Variants in GK5 observed in about 807,000 individuals in gnomAD.
GK5 encodes glycerol kinase 5, also known as ATP:glycerol 3-phosphotransferase 5.
Under a neutral mutation model 77.3 loss-of-function variants are expected in GK5, and 39 were observed. The ratio of observed to expected loss-of-function variants is 0.50; its 90% confidence interval spans 0.39 to 0.66. GK5 has a LOEUF of 0.66. GK5 is among the 30% of genes least tolerant of loss of function. The pLI is 0.00. For synonymous variants in GK5, 211 were observed against 208.0 expected (o/e 1.01, Z -0.13); for missense variants, 487 against 633.8 (o/e 0.77, Z 2.49).
chr3:142,185,963 T>C lies in GK5; in HGVS notation c.782A>G (p.Glu261Gly). 2 of 1,609,990 alleles carry C rather than the reference T, an allele frequency of 1.2e-6. No homozygotes were observed. Among genetic ancestry groups the C allele is most frequent in the South Asian group, 2.2e-5 (2 of 90,208 alleles). The stretch of plus-strand genomic sequence containing the variant: ...TATTGGTATAGGCACACCAAATATC[T>C]CTTCATCCACTGATCCAAAATTGTG... ...TSHNFGSVDE[E>G]IFGVPIPIVA... The change falls in exon 9 of 16, where the codon GAG becomes GGG. Residue 261 changes from glutamate to glycine, a missense_variant. Physicochemically the swap from Glu to Gly is moderately conservative, Grantham distance 98. Coordinates refer to ENST00000392993, the MANE Select transcript of GK5 (RefSeq NM_001039547.3).
rs2063994075 is a variant in GK5 at position 142,200,022 on chromosome 3, GT to G, written c.412-1090del. 2.0e-5 allele frequency among the ~76,000 whole-genome samples: 3 copies of G among 151,668 alleles called. No homozygotes were observed. In the South Asian group the frequency reaches 6.2e-4, roughly 31 times the overall value. On this transcript the variant is annotated intron_variant, in intron 4 of 15. Transcript: ENST00000392993. ...TCAATTAATAAAATTTGTAGACTCA[GT>G]TCTTTCAGTCTAGTCCTTTTAACTT...
intron 15 of GK5, among the ~76,000 whole-genome samples, chr3:142,166,155 G>A (rs2063470829): frequency 6.6e-6 from 1 of 152,112 alleles, no homozygotes; most frequent in South Asian, 2.1e-4. Context: ...AGACTGAGGA[G>A]GGGAGACCAC....
intron 5 of GK5, among the ~76,000 whole-genome samples, chr3:142,190,426 C>T (rs554352659): frequency 3.3e-5 from 5 of 152,110 alleles, no homozygotes; most frequent in Admixed American, 6.5e-5. Context: ...GAATTGAGGT[C>T]CTAGGGCAAT....
intron 1 of GK5, among the ~76,000 whole-genome samples, chr3:142,217,967 GA>G (rs2064295659): frequency 6.6e-6 from 1 of 151,640 alleles, no homozygotes; most frequent in Non-Finnish European, 1.5e-5. Flanking sequence ...CGTTGAAAAA[GA>G]ATAAAGTCAG....
intron 3 of GK5, among the ~76,000 whole-genome samples, chr3:142,205,439 A>G (rs1019773995): frequency 2.0e-5 from 3 of 152,226 alleles, no homozygotes; most frequent in African/African-American, 4.8e-5. Context: ...ACCATGTTCA[A>G]TTGCTAAGAT....
At chr3:142,197,313 GTTT>G (rs2107786695) in intron 5 of GK5, among the ~76,000 whole-genome samples, 2 of 152,224 alleles carry the variant, frequency 1.3e-5, no homozygotes, top group South Asian at 4.1e-4. Flanking sequence ...GTTATTAGGT[GTTT>G]ATAACTGTTA....
intron 2 of GK5, among the ~76,000 whole-genome samples, chr3:142,213,811 CTTGTTTT>C (rs1383622626): frequency 1.3e-5 from 2 of 152,048 alleles, no homozygotes; most frequent in East Asian, 3.9e-4. Flanking sequence ...AAGGTTGTTT[CTTGTTTT>C]TTGTTTTTGT....
In GK5 at chr3:142,187,730, G is replaced by C. The variant is rs150719703; in HGVS notation, c.593C>G (p.Thr198Ser). 3.6e-5 allele frequency: 58 copies of C among 1,611,644 alleles called. No individual in the cohort carries two copies. In the African/African-American group the frequency reaches 4.7e-4, roughly 13 times the overall value. Residue 198 changes from threonine to serine, a missense_variant, in exon 6 of 16, where the codon ACC becomes AGC. By Grantham distance (58) the Thr-to-Ser change is moderately conservative (BLOSUM62 1). Coordinates refer to ENST00000392993, the MANE Select transcript of GK5 (RefSeq NM_001039547.3). ...EENCCFGTIDTWLLYKLTKGS... is the reference protein window; with the variant it reads ...EENCCFGTIDSWLLYKLTKGS... ...TTTTGTGAGCTTATATAACAACCAG[G>C]TATCAATAGTCCCAAAGCAGCAATT...
Position 142,208,795 on chromosome 3 carries a change from G to A in GK5, c.318-4007C>T, listed in dbSNP as rs115251949. Among the ~76,000 whole-genome samples the A allele has an allele frequency of 8.4e-3, 1,283 of 152,206 alleles. 22 individuals are homozygous for A. The highest frequency in any genetic ancestry group is 0.03 in the African/African-American group (1,231 of 41,504). On this transcript the variant is annotated intron_variant, in intron 3 of 15. Transcript: ENST00000392993. ...CCCTGATGACTGTACTTTCTACCAG[G>A]GAATGTAAACAAATAATCAATTACT...
intron 5 of GK5, among the ~76,000 whole-genome samples, chr3:142,192,351 C>A (rs751547787): frequency 2.6e-5 from 4 of 152,218 alleles, no homozygotes; most frequent in African/African-American, 4.8e-5. Flanking sequence ...AACAATCATA[C>A]ACCTATTTAC....
chr3:142,167,163 C>T (rs1335033024), intron 15 of GK5, among the ~76,000 whole-genome samples: 1 of 152,020 alleles, frequency 6.6e-6, no homozygotes, highest in Non-Finnish European at 1.5e-5. Flanking sequence ...CATCTGAGGT[C>T]AGGAGTTTGA....
chr3:142,175,876 AG>A (rs2063603232), intron 12 of GK5, among the ~76,000 whole-genome samples: 1 of 149,312 alleles, frequency 6.7e-6, no homozygotes, highest in African/African-American at 2.4e-5. Context: ...ATTATATTAC[AG>A]GTATGTGAGG....
intron 9 of GK5, chr3:142,184,763 G>A: frequency 1.8e-5 from 11 of 614,860 alleles, no homozygotes; most frequent in Non-Finnish European, 2.0e-5. Flanking sequence ...TTGAACCCGA[G>A]AGGCGGAGGT....
Position 142,172,383 on chromosome 3 carries a change from A to G in GK5, c.1217T>C (p.Val406Ala). 1 of 1,601,962 alleles carries G rather than the reference A, an allele frequency of 6.2e-7. No individual in the cohort carries two copies. Among genetic ancestry groups the G allele is most frequent in the South Asian group, 1.1e-5 (1 of 89,138 alleles). The change falls in exon 13 of 16, where the codon GTA becomes GCA. Residue 406 changes from valine (V) to alanine (A), a missense_variant. By Grantham distance (64) the Val-to-Ala change is moderately conservative (BLOSUM62 0). Around this residue, in one of 4 missense-constraint regions of GK5, gnomAD observed 323 missense variants for 437.4 expected, o/e 0.74. Coordinates refer to ENST00000392993, the MANE Select transcript of GK5 (RefSeq NM_001039547.3). ...LKPSTSKYHL[V>A]RAILESIAFR... Reference sequence around the variant, plus strand: ...AGCTATTGACTCCAATATTGCTCGTACAAGATGGTATTTACTGGTAGAAGG... The same window carrying G: ...AGCTATTGACTCCAATATTGCTCGTGCAAGATGGTATTTACTGGTAGAAGG...
intron 4 of GK5, 158 bp downstream of exon 4, chr3:142,204,537 G>A (rs1304935949): frequency 1.5e-6 from 1 of 687,052 alleles, no homozygotes; most frequent in Non-Finnish European, 2.7e-6. Context: ...TACCACATAC[G>A]CCTTTGATTG....
intron 5 of GK5, among the ~76,000 whole-genome samples, chr3:142,188,853 A>G (rs972505153): frequency 6.6e-6 from 1 of 152,256 alleles, no homozygotes; most frequent in Admixed American, 6.5e-5. Context: ...GGCATAAAGC[A>G]TGCCAAGAGA....
intron 3 of GK5, among the ~76,000 whole-genome samples, chr3:142,211,201 T>A (rs1213813153): frequency 6.6e-6 from 1 of 152,192 alleles, no homozygotes; most frequent in Non-Finnish European, 1.5e-5. Flanking sequence ...TGAGGTGGGC[T>A]GGGGTGCTAC....
In GK5 at chr3:142,170,367, T is replaced by C; in HGVS notation, c.1399A>G (p.Met467Val). The C allele has an allele frequency of 6.2e-7, 1 of 1,614,108 alleles. No individual in the cohort carries two copies. Among genetic ancestry groups the C allele is most frequent in the Non-Finnish European group, 8.5e-7 (1 of 1,180,000 alleles). ...ENIDRPADIDMSCLGAASLAG... is the reference protein window; with the variant it reads ...ENIDRPADIDVSCLGAASLAG... ...AGAGAAGCTGCACCCAGGCATGACA[T>C]GTCAATGTCGGCAGGTCTGTCTATA... Residue 467 changes from methionine to valine, a missense_variant, in exon 15 of 16, where the codon ATG becomes GTG. By Grantham distance (21) the Met-to-Val change is conservative. Coordinates refer to ENST00000392993, the MANE Select transcript of GK5 (RefSeq NM_001039547.3).
intron 5 of GK5, among the ~76,000 whole-genome samples, chr3:142,192,412 T>G (rs1480122887): frequency 6.6e-6 from 1 of 152,138 alleles, no homozygotes; most frequent in Non-Finnish European, 1.5e-5. Context: ...CCCAAAAGTG[T>G]ATAGCAGTTT....
Sources: allele counts gnomAD v4.1 joint callset (sites outside exome capture counted in the v4.1 genomes callset), GRCh38; gene constraint gnomAD v4.1.1; regional missense constraint gnomAD v4.1.1; transcripts MANE v1.5; gene names NCBI Gene and HGNC (gene_info 2026-07-23, HGNC 2026-07-21).